SAP30BP: variants seen among roughly 807,000 people sequenced by gnomAD.
SAP30BP encodes SAP30-binding protein.
SAP30BP carries 31 observed loss-of-function variants against 46.3 expected under a neutral mutation model. That is an observed-to-expected ratio of 0.67 (90% CI 0.50 to 0.90). The LOEUF (loss-of-function observed/expected upper bound fraction) is 0.90, where lower values mean the gene tolerates loss of function less well. Ranked by LOEUF, SAP30BP falls within the 40% of genes least tolerant of loss-of-function variation. SAP30BP has a pLI of 0.00. For missense variants in SAP30BP, 312 were observed against 391.0 expected (o/e 0.80, Z 1.70); for synonymous variants, 169 against 144.2 (o/e 1.17, Z -1.23).
intron 4 of SAP30BP, among the ~76,000 whole-genome samples, chr17:75,694,347 CT>C (rs1443909430): frequency 6.6e-6 from 1 of 152,130 alleles, no homozygotes; most frequent in East Asian, 1.9e-4. Flanking sequence ...GCCTGTTCTC[CT>C]TTTCCAGAAC....
chr17:75,692,532 G>C (rs1172575349), intron 3 of SAP30BP: 27 of 985,186 alleles, frequency 2.7e-5, no homozygotes, highest in Non-Finnish European at 3.1e-5. Context: ...AAACAGGTGT[G>C]TTCTTGCCAT....
chr17:75,679,943 C>T (rs1351526375), intron 3 of SAP30BP: 1 of 152,214 alleles, frequency 6.6e-6, no homozygotes, highest in African/African-American at 2.4e-5. Context: ...TCCATTTTTA[C>T]CTCGTTTGCT....
rs2060498599 is a variant in SAP30BP, at chr17:75,706,411, A to T, written c.817A>T (p.Thr273Ser). The T allele has an allele frequency of 6.2e-7, 1 of 1,613,954 alleles. No individual in the cohort carries two copies. Among genetic ancestry groups the T allele is most frequent in the Admixed American group, 1.7e-5 (1 of 59,990 alleles). The change falls in exon 11 of 11, where the codon ACC becomes TCC. Residue 273 changes from threonine to serine, a missense_variant. Around this residue, in one of 2 missense-constraint regions of SAP30BP, gnomAD observed 296 missense variants for 346.6 expected, o/e 0.85. Transcript: ENST00000584667. This position sits in a 1 kb window ranked among gnomAD's most constrained non-coding sequence, Gnocchi z 4.6. ...VTTIAQPTIL[T>S]TTATLPAVVT... ...AACGATAGCCCAGCCCACCATCCTC[A>T]CCACCACAGCCACCCTGCCAGCTGT...
chr17:75,703,821 C>G lies in SAP30BP; in HGVS notation c.563C>G (p.Pro188Arg), dbSNP rs765233051. ...GTNYPKDMFDPHGWSEDSYYE... is the reference protein window; with the variant it reads ...GTNYPKDMFDRHGWSEDSYYE... ...TTTCCTTTGCAGGATATGTTTGATCCCCATGGCTGGTCTGAGGACTCCTAC... is the reference window on the plus strand; with the variant it reads ...TTTCCTTTGCAGGATATGTTTGATCGCCATGGCTGGTCTGAGGACTCCTAC... Residue 188 changes from proline to arginine, a missense_variant, in exon 8 of 11, where the codon CCC (proline) becomes CGC (arginine). Physicochemically the swap from Pro to Arg is moderately radical, Grantham distance 103 (BLOSUM62 -2). This residue lies in a region of SAP30BP where 296 missense variants were observed against 346.6 expected (regional missense o/e 0.85). Coordinates refer to ENST00000584667, the MANE Select transcript of SAP30BP (RefSeq NM_013260.8). 5 of 1,613,818 alleles carry G rather than the reference C, an allele frequency of 3.1e-6. No homozygotes were observed. The highest frequency in any genetic ancestry group is 3.4e-6 in the Non-Finnish European group (4 of 1,179,694).
At chr17:75,668,227 T>G in intron 1 of SAP30BP, 2 of 322,714 alleles carry the variant, frequency 6.2e-6, no homozygotes, top group Non-Finnish European at 1.1e-5. Flanking sequence ...GAAAGTTCTC[T>G]GATGGTTTCC....
At chr17:75,685,892 C>T (rs538252428) in intron 3 of SAP30BP, among the ~76,000 whole-genome samples, 2 of 152,214 alleles carry the variant, frequency 1.3e-5, no homozygotes, top group Non-Finnish European at 2.9e-5. Flanking sequence ...ATGGCCCTCT[C>T]TGACCATCTT....
intron 3 of SAP30BP, chr17:75,692,403 G>A (rs1054474294): frequency 1.8e-5 from 18 of 985,328 alleles, no homozygotes; most frequent in East Asian, 1.1e-4. Context: ...AAGACATGGC[G>A]TCCAGCAACT....
At chr17:75,704,881 C>A in intron 9 of SAP30BP, 67 bp downstream of exon 9, 1 of 1,296,962 alleles carries the variant, frequency 7.7e-7, no homozygotes. Context: ...GCTGGCTGAG[C>A]CCAGAAGGTG....
chr17:75,676,400 A>T (rs767679019), intron 3 of SAP30BP, among the ~76,000 whole-genome samples: 1 of 152,234 alleles, frequency 6.6e-6, no homozygotes, highest in African/African-American at 2.4e-5. Context: ...AAAATCATTA[A>T]ATGTTAGAAA....
At chr17:75,695,508 A>G (rs897667618) in intron 4 of SAP30BP, among the ~76,000 whole-genome samples, 1 of 152,170 alleles carries the variant, frequency 6.6e-6, no homozygotes, top group Admixed American at 6.5e-5. Flanking sequence ...TTGTTTACTG[A>G]TTCACCCATG....
At chr17:75,700,943 G>A (rs952016579) in intron 5 of SAP30BP, among the ~76,000 whole-genome samples, 7 of 152,206 alleles carry the variant, frequency 4.6e-5, no homozygotes, top group Non-Finnish European at 2.9e-5. Flanking sequence ...TTATGGCCCA[G>A]GAGACACAGC....
chr17:75,673,461 G>A (rs904523894), intron 3 of SAP30BP, among the ~76,000 whole-genome samples: 5 of 152,122 alleles, frequency 3.3e-5, no homozygotes, highest in Non-Finnish European at 7.4e-5. Flanking sequence ...GAGCCTGCAC[G>A]TAAAACAAGC....
intron 5 of SAP30BP, 52 bp downstream of exon 5, chr17:75,699,923 A>G (rs756315567): frequency 2.2e-6 from 3 of 1,349,518 alleles, no homozygotes; most frequent in African/African-American, 1.4e-5. Flanking sequence ...AGCCTGGGTT[A>G]CGTGTTTGGT....
In SAP30BP at chr17:75,668,402, G is replaced by A. The variant is rs1042327918; in HGVS notation, c.107-114G>A. ...TTAACATGAGATTTAGGTTCCCTTTGTATCTTCAGAGATAGTCTTGGCCAC... is the reference window on the plus strand; with the variant it reads ...TTAACATGAGATTTAGGTTCCCTTTATATCTTCAGAGATAGTCTTGGCCAC... On this transcript the variant is annotated intron_variant, in intron 1 of 10. Transcript: ENST00000584667. 1.8e-5 allele frequency: 11 copies of A among 609,264 alleles called. No homozygotes were observed. In the East Asian group the frequency reaches 3.1e-4, roughly 17 times the overall value. The allele number at this position is 609,264 out of a possible 1,614,324, so 37.7% of individuals were successfully genotyped here.
chr17:75,668,476 T>TC (rs750988927), intron 1 of SAP30BP, 40 bp from the exon 2 acceptor site: 17 of 1,294,082 alleles, frequency 1.3e-5, no homozygotes, highest in Admixed American at 4.9e-5. Flanking sequence ...GTTTTTTTTT[T>TC]CTTGCTTTTT....
intron 6 of SAP30BP, chr17:75,702,860 A>G (rs989508105): frequency 3.1e-6 from 1 of 319,824 alleles, no homozygotes; most frequent in Admixed American, 4.5e-5. Context: ...ATGACCTCTC[A>G]AGTCCCCTGT....
chr17:75,706,945 A>G lies in SAP30BP; in HGVS notation c.*424A>G, dbSNP rs1384996480. On this transcript the variant is annotated 3_prime_UTR_variant, in exon 11 of 11. Coordinates refer to ENST00000584667, the MANE Select transcript of SAP30BP (RefSeq NM_013260.8). The surrounding 1 kb of genome is among the most constrained non-coding windows in gnomAD (Gnocchi z 4.6). ...AAGAAGTCACCGTTGTTATCCGTGT[A>G]TGCCTCTGGGCATGGACAGGCGGGA... The G allele has an allele frequency of 1.1e-5, 2 of 188,758 alleles. No individual in the cohort carries two copies. The highest frequency in any genetic ancestry group is 2.2e-5 in the Non-Finnish European group (2 of 89,608). The allele number at this position is 188,758 out of a possible 1,614,324, so 11.7% of individuals were successfully genotyped here.
rs1166377318 is a variant in SAP30BP at position 75,706,489 on chromosome 17, G to A, written c.895G>A (p.Val299Met). ...CTCCAAGACCACCGTCATCTCTGCT[G>A]TGGGCACCATTGTGAAGAAGGCCAA... ...SGSKTTVISA[V>M]GTIVKKAKQ The change falls in exon 11 of 11, where the codon GTG (valine) becomes ATG (methionine). Residue 299 changes from valine (V) to methionine (M), a missense_variant. By Grantham distance (21) the Val-to-Met change is conservative. Coordinates refer to ENST00000584667, the MANE Select transcript of SAP30BP (RefSeq NM_013260.8). This position sits in a 1 kb window ranked among gnomAD's most constrained non-coding sequence, Gnocchi z 4.6. The A allele has an allele frequency of 6.2e-7, 1 of 1,614,150 alleles. No homozygotes were observed. The highest frequency in any genetic ancestry group is 1.1e-5 in the South Asian group (1 of 91,086).
At chr17:75,694,919 T>C (rs973337831) in intron 4 of SAP30BP, among the ~76,000 whole-genome samples, 2 of 152,240 alleles carry the variant, frequency 1.3e-5, no homozygotes, top group African/African-American at 4.8e-5. Flanking sequence ...ATAATTTACA[T>C]AGAGTAAGAC....
Sources: allele counts gnomAD v4.1 joint callset (sites outside exome capture counted in the v4.1 genomes callset), GRCh38; gene constraint gnomAD v4.1.1; regional missense constraint gnomAD v4.1.1; non-coding constraint Gnocchi (gnomAD v3.1); transcripts MANE v1.5; gene names NCBI Gene and HGNC (gene_info 2026-07-23, HGNC 2026-07-21).